The following CPS1 variants were observed in gnomAD, a reference collection of about 807,000 sequenced individuals.
CPS1 encodes the protein carbamoyl-phosphate synthase 1, also known as carbamoyl-phosphate synthase [ammonia], mitochondrial.
A neutral mutation model predicts 174.6 loss-of-function variants in CPS1; 109 were observed. The ratio of observed to expected loss-of-function variants is 0.62; its 90% CI spans 0.53 to 0.73. The LOEUF (loss-of-function observed/expected upper bound fraction) is 0.73. CPS1 is among the 30% of genes least tolerant of loss of function. The probability of loss-of-function intolerance (pLI) is 0.00; values close to 1 mark genes in which losing one functional copy is unlikely to be tolerated. For synonymous variants in CPS1, 637 were observed against 632.0 expected (o/e 1.01, Z -0.12); for missense variants, 1,689 against 1,821.9 (o/e 0.93, Z 1.33).
At chr2:210,519,712 A>G in intron 1 of CPS1, 1 of 984,156 alleles carries the variant, frequency 1.0e-6, no homozygotes, top group Non-Finnish European at 1.2e-6. Context: ...ACCCAATTGA[A>G]ACTTTAGTTC....
intron 1 of CPS1, among the ~76,000 whole-genome samples, chr2:210,535,816 CTTGTTTT>C (rs1696233347): frequency 9.5e-6 from 1 of 105,254 alleles, no homozygotes; most frequent in African/African-American, 3.7e-5. Flanking sequence ...TCCCTTTTTC[CTTGTTTT>C]TTTTTTTTTT....
intron 1 of CPS1, among the ~76,000 whole-genome samples, chr2:210,500,684 C>T (rs567201562): frequency 6.6e-6 from 1 of 152,334 alleles, no homozygotes; most frequent in South Asian, 2.1e-4. Flanking sequence ...TGTGGCTTTG[C>T]AGGGTGCAGG....
intron 1 of CPS1, among the ~76,000 whole-genome samples, chr2:210,509,035 C>A (rs1382525998): frequency 2.6e-5 from 4 of 152,132 alleles, no homozygotes; most frequent in Non-Finnish European, 5.9e-5. Context: ...TTTTATGAGG[C>A]CAGCATCATC....
chr2:210,625,355 G>A (rs1343055273), intron 21 of CPS1, among the ~76,000 whole-genome samples: 1 of 152,010 alleles, frequency 6.6e-6, no homozygotes, highest in Non-Finnish European at 1.5e-5. Context: ...ACACATTAAT[G>A]GACATGTGAG....
intron 24 of CPS1, among the ~76,000 whole-genome samples, chr2:210,641,997 A>G (rs1700241150): frequency 6.6e-6 from 1 of 152,216 alleles, no homozygotes; most frequent in South Asian, 2.1e-4. Flanking sequence ...TCTTCAATCA[A>G]TCAGGATATG....
intron 1 of CPS1, among the ~76,000 whole-genome samples, chr2:210,542,101 G>A (rs1001353936): frequency 6.6e-6 from 1 of 152,014 alleles, no homozygotes; most frequent in Admixed American, 6.6e-5. Flanking sequence ...TTAAAATCTA[G>A]GGTCTACCAT....
In CPS1 at chr2:210,654,087, T is replaced by C. The variant is rs1359055382; in HGVS notation, c.3543T>C (p.Val1181=). 3 of 1,613,988 alleles carry C rather than the reference T, an allele frequency of 1.9e-6. No individual in the cohort carries two copies. The highest frequency in any genetic ancestry group is 1.6e-4 in the Middle Eastern group (1 of 6,062). ...EGAREVEMDA[V]GKDGRVISHA... ...CCCGAGAAGTAGAAATGGACGCTGT[T>C]GGCAAAGATGGAAGGGTAAGTGCTT... The change falls in exon 29 of 38, where the codon GTT becomes GTC. Residue 1181 remains valine (V), a synonymous_variant. Transcript: ENST00000233072.
intron 25 of CPS1, among the ~76,000 whole-genome samples, chr2:210,643,097 A>G (rs1446781128): frequency 2.0e-5 from 3 of 152,200 alleles, no homozygotes; most frequent in African/African-American, 7.2e-5. Flanking sequence ...TTCCCTGAAA[A>G]TAGTCAATTG....
intron 31 of CPS1, among the ~76,000 whole-genome samples, chr2:210,659,051 C>A (rs973084591): frequency 6.6e-6 from 1 of 152,154 alleles, no homozygotes; most frequent in Admixed American, 6.5e-5. Flanking sequence ...TTACTCCTTA[C>A]CCAGAGACGA....
intron 21 of CPS1, among the ~76,000 whole-genome samples, chr2:210,621,690 C>T (rs570516492): frequency 6.6e-6 from 1 of 152,154 alleles, no homozygotes; most frequent in South Asian, 2.1e-4. Flanking sequence ...AGAGGAAATG[C>T]AGGTACCATA....
chr2:210,598,313 C>A (rs1372089981), intron 13 of CPS1, among the ~76,000 whole-genome samples: 1 of 151,820 alleles, frequency 6.6e-6, no homozygotes, highest in African/African-American at 2.4e-5. Context: ...AACAAACCAA[C>A]ATAATAACCA....
rs1359860385 is a variant in CPS1, at chr2:210,519,798, T to G, written c.4-36921T>G. On this transcript the variant is annotated intron_variant, in intron 1 of 38. Transcript: ENST00000430249. Reference sequence around the variant, plus strand: ...ATGTTGGAAGAGGTATTTGGCTTTGTTGGCGGGGAGGGCAATGATTTATGC... The same window carrying G: ...ATGTTGGAAGAGGTATTTGGCTTTGGTGGCGGGGAGGGCAATGATTTATGC... The G allele has an allele frequency of 7.1e-6, 7 of 985,156 alleles. No homozygotes were observed. The South Asian group carries it at 3.3e-4, about 46-fold the overall frequency. 61.0% of individuals were successfully genotyped at this position (985,156 alleles called of 1,614,324 possible). A position where few individuals can be genotyped will look rare whatever the true frequency, so the allele number is the denominator to read the frequency against.
chr2:210,640,236 T>C (rs1460302536), intron 24 of CPS1, among the ~76,000 whole-genome samples, 177 bp downstream of exon 24: 1 of 152,202 alleles, frequency 6.6e-6, no homozygotes, highest in Non-Finnish European at 1.5e-5. Flanking sequence ...TATTTAGTGG[T>C]AGAGTGGGAC....
chr2:210,574,044 T>A (rs1262628386), intron 2 of CPS1, among the ~76,000 whole-genome samples: 1 of 152,038 alleles, frequency 6.6e-6, no homozygotes, highest in Non-Finnish European at 1.5e-5. Context: ...AGAAATTAAG[T>A]GGCTGCTTTT....
chr2:210,640,058 TG>T lies in CPS1; in HGVS notation c.2959+1del, dbSNP rs1559121934. ...MVLGCGPYHI[G>X]SSVEFDWCAV... ...TGCTAGGCTGTGGTCCATATCACAT[TG>T]GTAAAATAATAAATTATGTGTATAT... On this transcript the variant is annotated frameshift_variant and splice_region_variant, in exon 24 of 38. Transcript: ENST00000233072. LOFTEE classifies it high-confidence loss of function. The T allele has an allele frequency of 1.3e-6, 2 of 1,587,968 alleles. No homozygotes were observed. Among genetic ancestry groups the T allele is most frequent in the Non-Finnish European group, 8.6e-7 (1 of 1,156,930 alleles).
chr2:210,601,540 A>T (rs1197457732), intron 15 of CPS1, among the ~76,000 whole-genome samples: 1 of 152,002 alleles, frequency 6.6e-6, no homozygotes, highest in Non-Finnish European at 1.5e-5. Flanking sequence ...AGCTCTTGCC[A>T]TACATTTGTT....
At position 210,642,619 on chromosome 2, in the gene CPS1, T is replaced by A. The variant is rs1213163204; in HGVS notation, c.3095T>A (p.Phe1032Tyr). ...TTTGATGAGTGTGACAAACTGTACT[T>A]TGAAGAGTTGTCCTTGGAGAGAATC... is the stretch of plus-strand genomic sequence containing the variant. ...TDFDECDKLY[F>Y]EELSLERILD... Residue 1032 changes from phenylalanine (F) to tyrosine (Y), a missense_variant, in exon 25 of 38, where the codon TTT becomes TAT. By Grantham distance (22) the Phe-to-Tyr change is conservative. Coordinates refer to ENST00000233072, the MANE Select transcript of CPS1 (RefSeq NM_001875.5). The A allele has an allele frequency of 8.7e-6, 14 of 1,613,960 alleles. No homozygotes were observed. The highest frequency in any genetic ancestry group is 1.2e-5 in the Non-Finnish European group (14 of 1,179,994).
intron 1 of CPS1, among the ~76,000 whole-genome samples, chr2:210,568,091 A>G (rs2106061786): frequency 6.6e-6 from 1 of 152,260 alleles, no homozygotes; most frequent in East Asian, 1.9e-4. Flanking sequence ...GAGAAGTTAA[A>G]ATCTAGTACG....
At chr2:210,658,366 T>C (rs888864949) in intron 30 of CPS1, 4 of 451,324 alleles carry the variant, frequency 8.9e-6, no homozygotes, top group African/African-American at 8.0e-5. Flanking sequence ...GGCAGAGAGA[T>C]AATCGTGTAC....
Sources: allele counts gnomAD v4.1 joint callset (sites outside exome capture counted in the v4.1 genomes callset), GRCh38; gene constraint gnomAD v4.1.1; transcripts MANE v1.5; gene names NCBI Gene and HGNC (gene_info 2026-07-23, HGNC 2026-07-21).